Variants in GALNT13 observed in about 807,000 individuals in gnomAD.
The protein encoded by GALNT13 is polypeptide N-acetylgalactosaminyltransferase 13.
A neutral mutation model predicts 64.2 loss-of-function variants in GALNT13; 28 were observed. The ratio of observed to expected loss-of-function variants is 0.44; its 90% confidence interval spans 0.32 to 0.60. GALNT13 has a LOEUF of 0.60. GALNT13 is among the 20% of genes least tolerant of loss of function. The pLI, the probability that GALNT13 is intolerant of heterozygous loss-of-function variation, is 0.05. For synonymous variants in GALNT13, 214 were observed against 224.6 expected, an observed-to-expected ratio of 0.95 and a Z score of 0.42; for missense variants, 577 against 669.8, an observed-to-expected ratio of 0.86 and a Z score of 1.53.
At chr2:154,398,332 C>T (rs920510885) in intron 10 of GALNT13, among the ~76,000 whole-genome samples, 1 of 152,206 alleles carries the variant, frequency 6.6e-6, no homozygotes, top group Non-Finnish European at 1.5e-5. Flanking sequence ...ACCAAGGTGA[C>T]TCCTGAGAAA....
the GALNT13 span, among the ~76,000 whole-genome samples, chr2:153,777,496 T>C: frequency 6.6e-6 from 1 of 152,156 alleles, no homozygotes; most frequent in African/African-American, 2.4e-5. Flanking sequence ...GAGGCCTCCA[T>C]CAATCATTAT....
chr2:153,703,057 G>C, the GALNT13 span, among the ~76,000 whole-genome samples: 1 of 152,088 alleles, frequency 6.6e-6, no homozygotes, highest in Non-Finnish European at 1.5e-5. Context: ...ACGTTTATAG[G>C]GGGTGAGTGA....
intron 3 of GALNT13, among the ~76,000 whole-genome samples, chr2:153,974,310 C>T (rs1055876609): frequency 1.3e-5 from 2 of 152,092 alleles, no homozygotes; most frequent in Admixed American, 1.3e-4. Flanking sequence ...GGTTAACAAT[C>T]GTACTTTTGT....
the GALNT13 span, among the ~76,000 whole-genome samples, chr2:153,205,448 C>T: frequency 3.0e-4 from 46 of 152,094 alleles, no homozygotes; most frequent in African/African-American, 1.1e-3. Flanking sequence ...GTAGATTATG[C>T]TCAAAAAATG....
At chr2:153,892,071 A>G (rs1363440391) in intron 1 of GALNT13, among the ~76,000 whole-genome samples, 1 of 152,016 alleles carries the variant, frequency 6.6e-6, no homozygotes, top group Admixed American at 6.6e-5. Flanking sequence ...CTGTGTTCCC[A>G]TAGAACCTTG....
intron 4 of GALNT13, among the ~76,000 whole-genome samples, chr2:154,152,244 T>C (rs532862945): frequency 2.6e-5 from 4 of 152,312 alleles, no homozygotes; most frequent in African/African-American, 9.6e-5. Context: ...TCTTTAAGAA[T>C]GTTGAATATT....
the GALNT13 span, among the ~76,000 whole-genome samples, chr2:153,757,157 C>G: frequency 6.6e-6 from 1 of 152,132 alleles, no homozygotes; most frequent in Non-Finnish European, 1.5e-5. Context: ...ACACTGTACT[C>G]TTTTATCAAT....
chr2:153,881,753 A>G (rs949120509), intron 1 of GALNT13, among the ~76,000 whole-genome samples: 4 of 152,156 alleles, frequency 2.6e-5, no homozygotes, highest in Non-Finnish European at 5.9e-5. Flanking sequence ...TGCAAATGTT[A>G]ATCAGTTTTC....
At chr2:153,814,939 A>T in the GALNT13 span, among the ~76,000 whole-genome samples, 14 of 152,224 alleles carry the variant, frequency 9.2e-5, no homozygotes, top group African/African-American at 3.4e-4. Context: ...TGTCATGTTG[A>T]GACATCTTTA....
Position 154,213,985 on chromosome 2 carries a change from A to G in GALNT13, c.312-28045A>G, listed in dbSNP as rs137916483. On this transcript the variant is annotated intron_variant, in intron 4 of 12. Coordinates refer to ENST00000392825, the MANE Select transcript of GALNT13 (RefSeq NM_052917.4). ...TTGTATTCTCATTTAAACAATTTTG[A>G]CATCAACTTTTCCAGATCTCTTTCT... Among the ~76,000 whole-genome samples, 526 of 152,292 alleles carry G rather than the reference A, an allele frequency of 3.5e-3. 6 individuals carry two copies. Among genetic ancestry groups the G allele is most frequent in the African/African-American group, 0.012 (512 of 41,548 alleles).
At chr2:153,919,098 T>G (rs1470094894) in intron 2 of GALNT13, among the ~76,000 whole-genome samples, 1 of 152,146 alleles carries the variant, frequency 6.6e-6, no homozygotes, top group Non-Finnish European at 1.5e-5. Flanking sequence ...TCTATATTAT[T>G]GTACTTCTGT....
the GALNT13 span, among the ~76,000 whole-genome samples, chr2:153,718,206 A>G: frequency 6.6e-6 from 1 of 152,178 alleles, no homozygotes; most frequent in African/African-American, 2.4e-5. Flanking sequence ...TGCTTAAAAA[A>G]AAGCTAGGAC....
chr2:154,302,879 A>G (rs1326346873), intron 9 of GALNT13, among the ~76,000 whole-genome samples: 1 of 152,146 alleles, frequency 6.6e-6, no homozygotes, highest in African/African-American at 2.4e-5. Flanking sequence ...TCAAACCTTT[A>G]AAAGGTGCTA....
the GALNT13 span, among the ~76,000 whole-genome samples, chr2:153,848,508 G>A: frequency 1.3e-5 from 2 of 152,210 alleles, no homozygotes; most frequent in East Asian, 3.9e-4. Flanking sequence ...TAATGACTCA[G>A]AGGTAAGCAC....
chr2:153,302,835 A>G, the GALNT13 span, among the ~76,000 whole-genome samples: 2 of 152,146 alleles, frequency 1.3e-5, no homozygotes, highest in Non-Finnish European at 2.9e-5. Flanking sequence ...GTTCCTTTGT[A>G]GAAAGTCAAC....
the GALNT13 span, among the ~76,000 whole-genome samples, chr2:153,537,454 C>T: frequency 6.6e-5 from 10 of 152,124 alleles, no homozygotes; most frequent in Non-Finnish European, 1.2e-4. Flanking sequence ...CATCCTCTGT[C>T]TTGGGTGGCT....
chr2:153,083,693 G>C, the GALNT13 span, among the ~76,000 whole-genome samples: 1 of 152,110 alleles, frequency 6.6e-6, no homozygotes, highest in East Asian at 1.9e-4. Context: ...TGGGTTGTCT[G>C]TTACTGTGCT....
At chr2:153,554,577 T>C in the GALNT13 span, among the ~76,000 whole-genome samples, 1 of 152,186 alleles carries the variant, frequency 6.6e-6, no homozygotes, top group Non-Finnish European at 1.5e-5. Flanking sequence ...TCTTAAGTTG[T>C]AGACCAAGCA....
At chr2:154,241,833 T>C (rs1689503208) in intron 4 of GALNT13, among the ~76,000 whole-genome samples, 197 bp from the exon 5 acceptor site, 1 of 152,192 alleles carries the variant, frequency 6.6e-6, no homozygotes. Flanking sequence ...TATTAGTAAT[T>C]ATGCATATTT....
Sources: gnomAD v4.1 joint callset for allele counts (sites outside exome capture counted in the v4.1 genomes callset) on GRCh38, gnomAD v4.1.1 for gene constraint, MANE v1.5 for transcripts, NCBI Gene and HGNC (gene_info 2026-07-23, HGNC 2026-07-21) for gene names.